MCM9: variants seen among roughly 807,000 people sequenced by gnomAD.
The protein encoded by MCM9 is minichromosome maintenance 9 homologous recombination repair factor, also known as DNA helicase MCM9.
In MCM9, 55 loss-of-function variants were observed where a neutral mutation model predicts 72.8. The observed-to-expected ratio is 0.76, with a 90% confidence interval of 0.61 to 0.95. MCM9 has a LOEUF of 0.95. Ranked by LOEUF, MCM9 falls within the 40% of genes least tolerant of loss-of-function variation. The pLI, the probability that MCM9 is intolerant of heterozygous loss-of-function variation, is 0.00. For missense variants in MCM9, 1,279 were observed against 1,377.0 expected (o/e 0.93, Z 1.13); for synonymous variants, 480 against 503.4 (o/e 0.95, Z 0.62).
chr6:118,828,910 T>C, intron 10 of MCM9, 138 bp downstream of exon 10: 1 of 897,756 alleles, frequency 1.1e-6, no homozygotes, highest in Admixed American at 2.8e-5. Context: ...CTCTCACTGC[T>C]TTCTGTCTAA....
chr6:118,931,644 A>T lies in MCM9; in HGVS notation c.80T>A (p.Leu27Gln). 2 of 1,614,168 alleles carry T rather than the reference A, an allele frequency of 1.2e-6. No individual in the cohort carries two copies. Among genetic ancestry groups the T allele is most frequent in the South Asian group, 2.2e-5 (2 of 91,074 alleles). The change falls in exon 3 of 14, where the codon CTA becomes CAA. Residue 27 changes from leucine (L) to glutamine (Q), a missense_variant. Leu to Gln is a moderately radical substitution (Grantham distance 113). Transcript: ENST00000619706. ...VSEYHKNDILLILKERDEDAH... is the reference protein window; with the variant it reads ...VSEYHKNDILQILKERDEDAH... ...ATCTTCATCCCTTTCCTTCAAGATTAGAAGAATATCATTCTTATGGTATTC... is the reference window on the plus strand; with the variant it reads ...ATCTTCATCCCTTTCCTTCAAGATTTGAAGAATATCATTCTTATGGTATTC...
intron 13 of MCM9, among the ~76,000 whole-genome samples, chr6:118,820,317 T>C (rs1026000217): frequency 2.0e-5 from 3 of 152,198 alleles, no homozygotes; most frequent in African/African-American, 7.2e-5. Flanking sequence ...TTCTGGTATG[T>C]TTTGTCTTTG....
At chr6:118,863,040 C>T (rs562560181) in intron 8 of MCM9, among the ~76,000 whole-genome samples, 58 of 152,096 alleles carry the variant, frequency 3.8e-4, no homozygotes, top group African/African-American at 1.3e-3. Flanking sequence ...CAGATCTATA[C>T]AGAGAAAAGT....
Position 118,814,797 on chromosome 6 carries a change from G to A in MCM9, c.*27C>T. The A allele has an allele frequency of 6.8e-7, 1 of 1,472,200 alleles. No individual in the cohort carries two copies. The allele number at this position is 1,472,200 out of a possible 1,614,324, so 91.2% of individuals were successfully genotyped here. A position where few individuals can be genotyped will look rare whatever the true frequency, so the allele number is the denominator to read the frequency against. On this transcript the variant is annotated 3_prime_UTR_variant, in exon 14 of 14. Transcript: ENST00000619706. ...GGTCCTCTGTGGAGTTGAAGAAGGT[G>A]AGATTTGACCAGAAAGCTTTTCCCA... is the stretch of plus-strand genomic sequence containing the variant.
At chr6:118,869,877 T>C (rs1483745139) in intron 8 of MCM9, among the ~76,000 whole-genome samples, 1 of 152,030 alleles carries the variant, frequency 6.6e-6, no homozygotes, top group African/African-American at 2.4e-5. Context: ...AAACAGACTT[T>C]AAGGAAAAAA....
At chr6:118,827,067 C>T (rs1482686358) in intron 11 of MCM9, among the ~76,000 whole-genome samples, 1 of 152,170 alleles carries the variant, frequency 6.6e-6, no homozygotes, top group Non-Finnish European at 1.5e-5. Flanking sequence ...GTAGCCCACA[C>T]AATCTTGTAT....
chr6:118,888,364 G>A lies in MCM9; in HGVS notation c.1150+23286C>T, dbSNP rs959081707. Among the ~76,000 whole-genome samples the A allele has an allele frequency of 2.0e-5, 3 of 152,096 alleles. No individual in the cohort carries two copies. In the South Asian group the frequency reaches 6.2e-4, roughly 32 times the overall value. Reference sequence around the variant, plus strand: ...TAGCCGGGTGTGGTGGCGGGCGCCTGTAGTCCCAGCTACTCGGGAGGCTAA... The same window carrying A: ...TAGCCGGGTGTGGTGGCGGGCGCCTATAGTCCCAGCTACTCGGGAGGCTAA... On this transcript the variant is annotated intron_variant, in intron 8 of 13. Transcript: ENST00000619706.
intron 3 of MCM9, among the ~76,000 whole-genome samples, chr6:118,926,921 TATG>T (rs1781945874): frequency 6.6e-6 from 1 of 152,234 alleles, no homozygotes; most frequent in South Asian, 2.1e-4. Context: ...GAGTGGGAAA[TATG>T]ATAATTAACC....
chr6:118,894,980 A>T (rs903819862), intron 8 of MCM9, among the ~76,000 whole-genome samples: 2 of 152,008 alleles, frequency 1.3e-5, no homozygotes, highest in Non-Finnish European at 2.9e-5. Context: ...GAATTGGGCC[A>T]GCGACCCCGG....
chr6:118,885,650 A>G (rs1005289219), intron 8 of MCM9, among the ~76,000 whole-genome samples: 1 of 152,210 alleles, frequency 6.6e-6, no homozygotes, highest in Non-Finnish European at 1.5e-5. Flanking sequence ...GACTATAAAC[A>G]CAGAGGCAAT....
chr6:118,931,181 T>C (rs1230445795), intron 3 of MCM9, among the ~76,000 whole-genome samples: 6 of 152,164 alleles, frequency 3.9e-5, no homozygotes, highest in Non-Finnish European at 8.8e-5. Flanking sequence ...TGGAAATATA[T>C]AGACACACAA....
intron 9 of MCM9, among the ~76,000 whole-genome samples, chr6:118,829,619 A>C (rs1774393288): frequency 6.6e-6 from 1 of 152,228 alleles, no homozygotes; most frequent in African/African-American, 2.4e-5. Flanking sequence ...TAAAGTTCCC[A>C]GGGGAAATAG....
Position 118,826,794 on chromosome 6 carries a change from C to T in MCM9, c.1803G>A (p.Glu601=), listed in dbSNP as rs1419306988. ...AAAATATCCTTACCTGCATTGAGGA[C>T]TCCATGACTGACACCACCGTAATAG... is the stretch of plus-strand genomic sequence containing the variant. The part of the protein sequence containing the change: ...EDAITVVSVM[E]SSMQGGALLG... Residue 601 remains glutamate (E), a synonymous_variant, in exon 12 of 14, where the codon GAG becomes GAA. Transcript: ENST00000619706. 14 of 1,549,910 alleles carry T rather than the reference C, an allele frequency of 9.0e-6. No homozygotes were observed. The Admixed American group carries it at 2.7e-4, about 30-fold the overall frequency.
chr6:118,878,925 A>G (rs150477124), intron 8 of MCM9, among the ~76,000 whole-genome samples: 1,577 of 152,074 alleles, frequency 0.01, 29 homozygotes, highest in African/African-American at 0.036. Context: ...GGCAGGTGGC[A>G]CACACCTGTA....
chr6:118,885,339 G>C (rs1011951483), intron 8 of MCM9, among the ~76,000 whole-genome samples: 1 of 151,964 alleles, frequency 6.6e-6, no homozygotes, highest in Non-Finnish European at 1.5e-5. Flanking sequence ...GCACAGGAAG[G>C]AAATAATAAA....
In MCM9 at chr6:118,814,667, A is replaced by G. The variant is rs567904661; in HGVS notation, c.*157T>C. 10 of 649,044 alleles carry G rather than the reference A, an allele frequency of 1.5e-5. No homozygotes were observed. The highest frequency in any genetic ancestry group is 2.4e-5 in the Non-Finnish European group (10 of 417,516). 40.2% of individuals were successfully genotyped at this position (649,044 alleles called of 1,614,324 possible). ...TTATACAACTTTTTAAGTCATGAAG[A>G]TTAACCTGAAATTAGAAAGCCTTAA... On this transcript the variant is annotated 3_prime_UTR_variant, in exon 14 of 14. Coordinates refer to ENST00000619706, the MANE Select transcript of MCM9 (RefSeq NM_017696.3).
At chr6:118,845,234 G>A (rs981335356) in intron 9 of MCM9, among the ~76,000 whole-genome samples, 1 of 151,922 alleles carries the variant, frequency 6.6e-6, no homozygotes, top group Non-Finnish European at 1.5e-5. Context: ...ATAACGAAGA[G>A]AATAGGTTTG....
At chr6:118,824,266 T>C (rs765510752) in intron 13 of MCM9, among the ~76,000 whole-genome samples, 1 of 152,110 alleles carries the variant, frequency 6.6e-6, no homozygotes, top group Non-Finnish European at 1.5e-5. Flanking sequence ...GGGATACTGA[T>C]AATTGTTAAA....
intron 9 of MCM9, among the ~76,000 whole-genome samples, chr6:118,846,731 G>A (rs1583418563): frequency 6.6e-6 from 1 of 151,748 alleles, no homozygotes; most frequent in Non-Finnish European, 1.5e-5. Context: ...TCCCCTTATG[G>A]AAAACACTAT....
Sources: allele counts gnomAD v4.1 joint callset (sites outside exome capture counted in the v4.1 genomes callset), GRCh38; gene constraint gnomAD v4.1.1; transcripts MANE v1.5; gene names NCBI Gene and HGNC (gene_info 2026-07-23, HGNC 2026-07-21).